BMPR1A: variants seen among roughly 807,000 people sequenced by gnomAD.
BMPR1A encodes bone morphogenetic protein receptor type-1A.
In BMPR1A, 7 loss-of-function variants were observed where a neutral mutation model predicts 66.0. That is an observed-to-expected ratio of 0.11 (90% CI 0.06 to 0.20). BMPR1A has a LOEUF of 0.20. Ranked by LOEUF, BMPR1A falls within the 10% of genes least tolerant of loss-of-function variation. The pLI is 1.00. For synonymous variants in BMPR1A, 200 were observed against 229.7 expected, an observed-to-expected ratio of 0.87 and a Z score of 1.17; for missense variants, 408 against 669.1, an observed-to-expected ratio of 0.61 and a Z score of 4.31.
At position 86,849,524 on chromosome 10, in the gene BMPR1A, A is replaced by C. The variant is rs543326957; in HGVS notation, c.-153+10545A>C. 2.6e-5 allele frequency among the ~76,000 whole-genome samples: 4 copies of C among 152,324 alleles called. No individual in the cohort carries two copies. The South Asian group carries it at 8.3e-4, about 32-fold the overall frequency. On this transcript the variant is annotated intron_variant, in intron 2 of 12. Transcript: ENST00000372037. ...CTAGTCATTCCATTTTCGATAGTCT[A>C]CCAGTAACTTCTGTGCCTTAGATCC... is the stretch of plus-strand genomic sequence containing the variant.
At chr10:86,909,841 A>C (rs1843451134) in intron 7 of BMPR1A, among the ~76,000 whole-genome samples, 1 of 152,212 alleles carries the variant, frequency 6.6e-6, no homozygotes, top group Non-Finnish European at 1.5e-5. Context: ...CTAAAAGTTT[A>C]TAACACAAGG....
chr10:86,877,974 T>C (rs1313729720), intron 3 of BMPR1A, among the ~76,000 whole-genome samples: 3 of 152,320 alleles, frequency 2.0e-5, no homozygotes, highest in East Asian at 3.9e-4. Context: ...TTATTAAGAA[T>C]TACATTTCTC....
chr10:86,900,245 T>C, intron 7 of BMPR1A, 119 bp downstream of exon 7: 3 of 949,018 alleles, frequency 3.2e-6, no homozygotes, highest in Middle Eastern at 2.7e-4. Context: ...ATCTCCTTTA[T>C]GTAACTAGAC....
intron 5 of BMPR1A, among the ~76,000 whole-genome samples, chr10:86,892,984 G>A (rs965235310): frequency 2.6e-5 from 4 of 151,234 alleles, no homozygotes; most frequent in African/African-American, 4.9e-5. Context: ...TGCAGCTAAC[G>A]TTTCTTTAAA....
chr10:86,892,910 G>A (rs985433112), intron 5 of BMPR1A, among the ~76,000 whole-genome samples: 2 of 149,172 alleles, frequency 1.3e-5, no homozygotes, highest in Non-Finnish European at 3.0e-5. Flanking sequence ...AATTTTAACC[G>A]TCTTTGGCTA....
At chr10:86,785,407 G>C (rs1348845494) in intron 1 of BMPR1A, among the ~76,000 whole-genome samples, 1 of 152,226 alleles carries the variant, frequency 6.6e-6, no homozygotes, top group African/African-American at 2.4e-5. Flanking sequence ...CTGGGTTCAA[G>C]TGATTCTCCT....
At chr10:86,760,244 C>CCTTTTTTTTTTTT (rs1841026307) in intron 1 of BMPR1A, among the ~76,000 whole-genome samples, 1 of 27,826 alleles carries the variant, frequency 3.6e-5, no homozygotes, top group African/African-American at 1.3e-4. Flanking sequence ...TTCTTTCTTT[C>CCTTTTTTTTTTTT]TTTCTTTTTT....
At chr10:86,881,532 A>T (rs1379755168) in intron 3 of BMPR1A, among the ~76,000 whole-genome samples, 1 of 152,200 alleles carries the variant, frequency 6.6e-6, no homozygotes, top group Non-Finnish European at 1.5e-5. Context: ...CCTCCTGCCC[A>T]CAACATACAG....
chr10:86,814,321 A>G (rs113145749), intron 1 of BMPR1A, among the ~76,000 whole-genome samples: 5,068 of 152,024 alleles, frequency 0.033, 218 homozygotes, highest in Admixed American at 0.13. Context: ...AATTTCTTGG[A>G]TTACAGTTTT....
intron 2 of BMPR1A, among the ~76,000 whole-genome samples, chr10:86,841,731 A>G (rs1440515735): frequency 6.6e-6 from 1 of 152,218 alleles, no homozygotes; most frequent in Non-Finnish European, 1.5e-5. Context: ...GTCAGCAGAA[A>G]GACTAAGGCA....
intron 2 of BMPR1A, among the ~76,000 whole-genome samples, chr10:86,853,395 A>T (rs942538144): frequency 2.0e-5 from 3 of 152,208 alleles, no homozygotes; most frequent in Non-Finnish European, 2.9e-5. Context: ...ACATTAGAAA[A>T]AATACTGCAC....
chr10:86,770,556 G>A (rs904913518), intron 1 of BMPR1A, among the ~76,000 whole-genome samples: 1 of 152,134 alleles, frequency 6.6e-6, no homozygotes, highest in Non-Finnish European at 1.5e-5. Flanking sequence ...TACAGACAGT[G>A]TAGTCAGTAT....
At chr10:86,823,585 G>A (rs1207042981) in intron 1 of BMPR1A, among the ~76,000 whole-genome samples, 3 of 152,228 alleles carry the variant, frequency 2.0e-5, no homozygotes, top group African/African-American at 4.8e-5. Flanking sequence ...GTATGGAAAA[G>A]CACTATGAGG....
downstream of BMPR1A, chr10:86,932,742 G>A (rs560465234): frequency 6.6e-6 from 1 of 152,364 alleles, no homozygotes; most frequent in Admixed American, 6.5e-5. Flanking sequence ...ACATAACAGG[G>A]TGCAGAGGCT....
At position 86,756,732 on chromosome 10, in the gene BMPR1A, A is replaced by T. The variant is rs1847870994; in HGVS notation, c.-455A>T. ...GGAGGGAGGAGGGCCAAGGGCGGGC[A>T]GGAAGGCTTAGGCTCGGCGCGTCCG... On this transcript the variant is annotated 5_prime_UTR_variant, in exon 1 of 13. Coordinates refer to ENST00000372037, the MANE Select transcript of BMPR1A (RefSeq NM_004329.3). 6.6e-6 allele frequency: 1 copy of T among 151,678 alleles called. No homozygotes were observed. The highest frequency in any genetic ancestry group is 2.1e-4 in the South Asian group (1 of 4,832). 9.4% of individuals were successfully genotyped at this position (151,678 alleles called of 1,614,324 possible).
chr10:86,918,047 C>G (rs1843603963), intron 9 of BMPR1A, among the ~76,000 whole-genome samples: 1 of 152,156 alleles, frequency 6.6e-6, no homozygotes, highest in Non-Finnish European at 1.5e-5. Flanking sequence ...CCTCTGGCTA[C>G]TGGTTGGTGG....
chr10:86,844,015 G>A (rs191591463), intron 2 of BMPR1A, among the ~76,000 whole-genome samples: 65 of 152,284 alleles, frequency 4.3e-4, no homozygotes, highest in African/African-American at 1.4e-3. Context: ...AGATGATGCC[G>A]CCTGAATTTT....
intron 1 of BMPR1A, among the ~76,000 whole-genome samples, chr10:86,773,404 C>A (rs547705258): frequency 6.6e-6 from 1 of 151,920 alleles, no homozygotes; most frequent in African/African-American, 2.4e-5. Flanking sequence ...GCCTAGCTAA[C>A]ATATAGTGGA....
At chr10:86,921,411 C>T (rs1843661679) in intron 10 of BMPR1A, 109 bp from the exon 11 acceptor site, 2 of 1,380,560 alleles carry the variant, frequency 1.4e-6, no homozygotes, top group Non-Finnish European at 2.0e-6. Flanking sequence ...TTCCACAATG[C>T]ATCTGGCCCC....
Sources: allele counts gnomAD v4.1 joint callset (sites outside exome capture counted in the v4.1 genomes callset), GRCh38; gene constraint gnomAD v4.1.1; transcripts MANE v1.5; gene names NCBI Gene and HGNC (gene_info 2026-07-23, HGNC 2026-07-21).